CHD1L: variants seen among roughly 807,000 people sequenced by gnomAD.
The protein encoded by CHD1L is chromodomain helicase DNA binding protein 1 like.
Under a neutral mutation model 115.9 loss-of-function variants are expected in CHD1L, and 118 were observed. That is an observed-to-expected ratio of 1.02 (90% CI 0.88 to 1.19). The LOEUF (loss-of-function observed/expected upper bound fraction) is 1.19, where lower values mean the gene tolerates loss of function less well. Among genes scored for constraint, CHD1L ranks in the 50% most tolerant of loss-of-function variants. CHD1L has a pLI of 0.00. For synonymous variants in CHD1L, 411 were observed against 387.1 expected (o/e 1.06, Z -0.72); for missense variants, 1,179 against 1,065.3 (o/e 1.11, Z -1.49).
chr1:147,249,209 T>C (rs1243886831), intron 1 of CHD1L, among the ~76,000 whole-genome samples: 1 of 152,154 alleles, frequency 6.6e-6, no homozygotes, highest in Non-Finnish European at 1.5e-5. Flanking sequence ...GGATTGACAG[T>C]TCTTTTCTTT....
At chr1:147,203,703 TG>T in the CHD1L span, 1 of 1,506,920 alleles carries the variant, frequency 6.6e-7, no homozygotes, top group Non-Finnish European at 9.2e-7. Context: ...GCTCCACCTC[TG>T]GGTACAAGAC....
intron 6 of CHD1L, among the ~76,000 whole-genome samples, chr1:147,261,959 G>A (rs587678393): frequency 6.6e-6 from 1 of 152,236 alleles, no homozygotes; most frequent in Admixed American, 6.5e-5. Context: ...ACTTTGGGAG[G>A]CTGAGATGGG....
intron 13 of CHD1L, 142 bp downstream of exon 13, chr1:147,275,610 C>G: frequency 1.6e-6 from 1 of 638,932 alleles, no homozygotes. Flanking sequence ...CTATTGACTC[C>G]TAGGGTAGTA....
At chr1:147,184,705 TACTATCAGTGTG>T in the CHD1L span, 1 of 1,408,554 alleles carries the variant, frequency 7.1e-7, no homozygotes, top group East Asian at 2.7e-5. The surrounding 1 kb of genome is among the most constrained non-coding windows in gnomAD (Gnocchi z 4.4). Context: ...CAAAGGTACA[TACTATCAGTGTG>T]ACTTATTACT....
intron 6 of CHD1L, chr1:147,260,504 G>T (rs1553943449): frequency 6.6e-6 from 1 of 152,090 alleles, no homozygotes; most frequent in East Asian, 1.9e-4. Flanking sequence ...AATATCTGGT[G>T]AATAAGAACC....
chr1:147,278,222 GTTTTTTTT>G (rs71083825), intron 14 of CHD1L, among the ~76,000 whole-genome samples: 2 of 91,130 alleles, frequency 2.2e-5, no homozygotes, highest in Non-Finnish European at 1.9e-5. Flanking sequence ...TGTTTTTTGG[GTTTTTTTT>G]TTTTTTTTTT....
At chr1:147,180,498 G>A in the CHD1L span, among the ~76,000 whole-genome samples, 4 of 152,094 alleles carry the variant, frequency 2.6e-5, no homozygotes, top group African/African-American at 7.2e-5. Context: ...TCGCCATTCC[G>A]GCCAGGATGG....
the CHD1L span, among the ~76,000 whole-genome samples, chr1:147,203,114 CT>C: frequency 2.7e-5 from 4 of 147,740 alleles, no homozygotes; most frequent in Admixed American, 6.7e-5. Flanking sequence ...CAAAGGTTTC[CT>C]TTTTTTTTTT....
the CHD1L span, among the ~76,000 whole-genome samples, chr1:147,201,830 A>G: frequency 2.6e-5 from 4 of 152,218 alleles, no homozygotes; most frequent in African/African-American, 9.6e-5. Flanking sequence ...TTGTATTCTC[A>G]TACCAAGAAG....
chr1:147,269,594 T>G (rs1414042060), intron 10 of CHD1L, among the ~76,000 whole-genome samples: 2 of 139,546 alleles, frequency 1.4e-5, no homozygotes, highest in Non-Finnish European at 3.0e-5. Context: ...ACTGGAACCC[T>G]AGAGGCAGAG....
At chr1:147,270,754 G>A (rs1285056324) in intron 10 of CHD1L, 178 bp from the exon 11 acceptor site, 1 of 576,840 alleles carries the variant, frequency 1.7e-6, no homozygotes, top group African/African-American at 1.9e-5. Flanking sequence ...TACCTGTGGA[G>A]GTGTATTCTC....
chr1:147,210,225 A>C, the CHD1L span: 5 of 152,196 alleles, frequency 3.3e-5, no homozygotes, highest in Admixed American at 2.0e-4. Context: ...GTGCTTAAGA[A>C]ATGTTTGATT....
chr1:147,278,092 C>G (rs1278035107), intron 14 of CHD1L, among the ~76,000 whole-genome samples: 5 of 152,024 alleles, frequency 3.3e-5, no homozygotes, highest in African/African-American at 1.2e-4. Context: ...CTTTCTGACT[C>G]TAATGTCTGA....
intron 19 of CHD1L, 49 bp downstream of exon 19, chr1:147,287,782 A>G: frequency 6.8e-7 from 1 of 1,472,750 alleles, no homozygotes; most frequent in African/African-American, 1.4e-5. Context: ...AAGAGAGAAG[A>G]GGACACCTAA....
intron 1 of CHD1L, among the ~76,000 whole-genome samples, chr1:147,248,292 C>G (rs1667277628): frequency 6.6e-6 from 1 of 151,998 alleles, no homozygotes; most frequent in Non-Finnish European, 1.5e-5. Context: ...ACCGCAACCT[C>G]CTGCCTCCCA....
chr1:147,195,260 A>G, the CHD1L span, among the ~76,000 whole-genome samples: 5,631 of 151,612 alleles, frequency 0.037, 158 homozygotes, highest in South Asian at 0.096. Context: ...CATTCCTTTC[A>G]TCTTCCATCA....
intron 19 of CHD1L, among the ~76,000 whole-genome samples, chr1:147,291,146 A>C (rs959288420): frequency 6.6e-6 from 1 of 152,186 alleles, no homozygotes. Context: ...ATGATTTAGG[A>C]CAAGCACAAA....
the CHD1L span, among the ~76,000 whole-genome samples, chr1:147,221,054 A>C: frequency 6.6e-6 from 1 of 152,036 alleles, no homozygotes; most frequent in Non-Finnish European, 1.5e-5. Flanking sequence ...ACCCCAATTT[A>C]ACCATGAGAA....
At chr1:147,294,873 C>T (rs1686967200) in intron 22 of CHD1L, among the ~76,000 whole-genome samples, 1 of 152,296 alleles carries the variant, frequency 6.6e-6, no homozygotes, top group South Asian at 2.1e-4. Flanking sequence ...GAACTTCACA[C>T]TGTTCATTTT....
Sources: gnomAD v4.1 joint callset for allele counts (sites outside exome capture counted in the v4.1 genomes callset) on GRCh38, gnomAD v4.1.1 for gene constraint, Gnocchi (gnomAD v3.1) non-coding constraint, MANE v1.5 for transcripts, NCBI Gene and HGNC (gene_info 2026-07-23, HGNC 2026-07-21) for gene names.